The following RELN variants were observed in gnomAD, a reference collection of about 807,000 sequenced individuals.
RELN encodes reelin.
RELN carries 108 observed loss-of-function variants against 427.6 expected under a neutral mutation model. The observed-to-expected ratio is 0.25, with a 90% CI of 0.22 to 0.30. The LOEUF is 0.30. Among genes scored for constraint, RELN ranks in the 10% least tolerant of loss-of-function variants. The pLI is 1.00. For missense variants in RELN, 3,715 were observed against 4,302.8 expected (o/e 0.86, Z 3.82); for synonymous variants, 1,524 against 1,513.4 (o/e 1.01, Z -0.16).
At chr7:103,947,705 T>C (rs6465946) in intron 1 of RELN, among the ~76,000 whole-genome samples, 69,728 of 152,068 alleles carry the variant, frequency 0.46, 16,436 homozygotes, top group African/African-American at 0.53. Context: ...CATAGTAAAA[T>C]GTTGTGTGTT....
chr7:103,872,028 A>ATTTTTTTTTT (rs142665123), intron 2 of RELN, among the ~76,000 whole-genome samples: 3 of 104,750 alleles, frequency 2.9e-5, no homozygotes, highest in Non-Finnish European at 2.2e-5. Context: ...ATATATATAT[A>ATTTTTTTTTT]TATTTTTCTT....
chr7:103,948,918 G>A (rs2116757315), intron 1 of RELN, among the ~76,000 whole-genome samples: 1 of 150,832 alleles, frequency 6.6e-6, no homozygotes, highest in Admixed American at 6.6e-5. Flanking sequence ...AGGAGGCTAA[G>A]GTAGGAGGAT....
At chr7:103,872,043 C>T (rs28427312) in intron 2 of RELN, among the ~76,000 whole-genome samples, 119 of 119,084 alleles carry the variant, frequency 1.0e-3, no homozygotes, top group Non-Finnish European at 1.1e-3. Flanking sequence ...TTTCTTTTTT[C>T]TTTTTTTTCT....
chr7:103,473,749 T>C (rs900945950), intron 64 of RELN, among the ~76,000 whole-genome samples: 7 of 152,194 alleles, frequency 4.6e-5, no homozygotes, highest in Non-Finnish European at 1.5e-5. Context: ...TATAGTCCTT[T>C]AAAAAGGATT....
chr7:103,538,334 A>G (rs1434032958), intron 45 of RELN, among the ~76,000 whole-genome samples: 2 of 152,138 alleles, frequency 1.3e-5, no homozygotes, highest in South Asian at 2.1e-4. Flanking sequence ...GAAGAGTTAT[A>G]TGGGGATGTG....
intron 11 of RELN, among the ~76,000 whole-genome samples, chr7:103,675,562 A>G (rs1345235565): frequency 1.3e-5 from 2 of 152,228 alleles, no homozygotes; most frequent in Non-Finnish European, 2.9e-5. Flanking sequence ...GGAACCAAAA[A>G]AGAGCCCACA....
In RELN at chr7:103,486,364, A is replaced by G. The variant is rs897175159; in HGVS notation, c.9816T>C (p.Asn3272=). The change falls in exon 61 of 65, where the codon AAT becomes AAC. Residue 3272 remains asparagine, a synonymous_variant. Coordinates refer to ENST00000428762, the MANE Select transcript of RELN (RefSeq NM_005045.4). The stretch of plus-strand genomic sequence containing the variant: ...CCTCGGTGACTCTTGCGGACTCAAA[A>G]TTATCTTTAATATAACTGGGAAGGT... ...SHDLPSYIKD[N]FESARVTEAN... 9.3e-6 allele frequency: 15 copies of G among 1,614,068 alleles called. No homozygotes were observed. The highest frequency in any genetic ancestry group is 1.2e-5 in the Non-Finnish European group (14 of 1,180,032).
Position 103,761,748 on chromosome 7 carries a change from G to A in RELN, c.545-8534C>T, listed in dbSNP as rs555341454. On this transcript the variant is annotated intron_variant, in intron 4 of 64. Transcript: ENST00000428762. Reference sequence around the variant, plus strand: ...TGGGATTACAGGCGTGAGCCACCATGCCTGGCCAAATTTTAATTTTTAAAA... The same window carrying A: ...TGGGATTACAGGCGTGAGCCACCATACCTGGCCAAATTTTAATTTTTAAAA... Among the ~76,000 whole-genome samples the A allele has an allele frequency of 3.6e-3, 546 of 152,286 alleles. 3 individuals carry two copies. Among genetic ancestry groups the A allele is most frequent in the Non-Finnish European group, 6.2e-3 (423 of 68,030 alleles).
At chr7:103,796,979 C>T (rs1055830396) in intron 3 of RELN, among the ~76,000 whole-genome samples, 8 of 151,858 alleles carry the variant, frequency 5.3e-5, no homozygotes, top group Admixed American at 1.3e-4. Flanking sequence ...TAAGACCTGC[C>T]TGCCTAAAAT....
At chr7:103,510,792 AT>A in intron 51 of RELN, 58 bp downstream of exon 51, 2 of 1,366,302 alleles carry the variant, frequency 1.5e-6, no homozygotes, top group Non-Finnish European at 2.1e-6. Context: ...TTTCTCTGAT[AT>A]TTTTTGTTAT....
At chr7:103,799,668 A>T (rs1262308153) in intron 3 of RELN, among the ~76,000 whole-genome samples, 1 of 152,018 alleles carries the variant, frequency 6.6e-6, no homozygotes, top group East Asian at 1.9e-4. Flanking sequence ...AACTAAATCA[A>T]ATTTCTTATT....
chr7:103,599,515 T>C (rs1287517279), intron 24 of RELN, among the ~76,000 whole-genome samples: 3 of 152,190 alleles, frequency 2.0e-5, no homozygotes, highest in African/African-American at 7.2e-5. Context: ...CTGAACACCT[T>C]AGCCAGAGTT....
At chr7:103,528,460 G>A (rs775109185) in intron 46 of RELN, among the ~76,000 whole-genome samples, 9 of 149,678 alleles carry the variant, frequency 6.0e-5, no homozygotes, top group South Asian at 2.1e-4. Flanking sequence ...TTACACTGTG[G>A]TGATGGTTTC....
rs1424523768 is a variant in RELN, at chr7:103,728,168, G to A, written c.696C>T (p.Gly232=). ...TGACGGCATTGCCATGCATAATCGCGCCACACTGTTCTCCAGTCTCACAGT... is the reference window on the plus strand; with the variant it reads ...TGACGGCATTGCCATGCATAATCGCACCACACTGTTCTCCAGTCTCACAGT... ...CNNCETGEQC[G]AIMHGNAVTF... The change falls in exon 7 of 65, where the codon GGC becomes GGT. Residue 232 remains glycine (G), a synonymous_variant. Transcript: ENST00000428762. The A allele has an allele frequency of 1.2e-6, 2 of 1,613,780 alleles. No individual in the cohort carries two copies. Among genetic ancestry groups the A allele is most frequent in the African/African-American group, 1.3e-5 (1 of 74,996 alleles).
intron 1 of RELN, among the ~76,000 whole-genome samples, chr7:103,932,942 G>C (rs909898697): frequency 6.6e-6 from 1 of 152,226 alleles, no homozygotes; most frequent in Non-Finnish European, 1.5e-5. Context: ...TGCTAGAGCT[G>C]CTGGGCTGGA....
At chr7:103,848,843 T>A (rs1346522936) in intron 2 of RELN, among the ~76,000 whole-genome samples, 4 of 152,244 alleles carry the variant, frequency 2.6e-5, no homozygotes, top group African/African-American at 9.6e-5. Context: ...TGATAGTTTT[T>A]AAAAATTATG....
chr7:103,558,889 T>A (rs571386070), intron 36 of RELN, among the ~76,000 whole-genome samples: 71 of 152,328 alleles, frequency 4.7e-4, no homozygotes, highest in Non-Finnish European at 7.6e-4. Context: ...TTGTCACTGA[T>A]TTCTCATCAA....
intron 6 of RELN, among the ~76,000 whole-genome samples, chr7:103,733,515 C>T (rs997906722): frequency 6.9e-6 from 1 of 145,740 alleles, no homozygotes; most frequent in African/African-American, 2.6e-5. Context: ...GCATTATTCA[C>T]AATAGCAAAG....
In RELN at chr7:103,545,356, G is replaced by C; in HGVS notation, c.6303-12C>G. On this transcript the variant is annotated splice_polypyrimidine_tract_variant and intron_variant, in intron 41 of 64. Coordinates refer to ENST00000428762, the MANE Select transcript of RELN (RefSeq NM_005045.4). ...TGAAACGGACAGATCTGGAAAAGAG[G>C]ACAAGTCTTTCAAAAGCTAATCAAC... is the stretch of plus-strand genomic sequence containing the variant. 6.3e-7 allele frequency: 1 copy of C among 1,588,622 alleles called. No homozygotes were observed. The highest frequency in any genetic ancestry group is 8.6e-7 in the Non-Finnish European group (1 of 1,157,134).
Sources: gnomAD v4.1 joint callset for allele counts (sites outside exome capture counted in the v4.1 genomes callset) on GRCh38, gnomAD v4.1.1 for gene constraint, MANE v1.5 for transcripts, NCBI Gene and HGNC (gene_info 2026-07-23, HGNC 2026-07-21) for gene names.